The following TMPRSS11A variants were observed in gnomAD, a reference collection of about 807,000 sequenced individuals.
TMPRSS11A encodes transmembrane serine protease 11A, also known as transmembrane protease serine 11A.
Under a neutral mutation model 58.9 loss-of-function variants are expected in TMPRSS11A, and 53 were observed. That is an observed-to-expected ratio of 0.90 (90% confidence interval 0.72 to 1.13). TMPRSS11A has a LOEUF of 1.13. Ranked by LOEUF, TMPRSS11A falls within the 50% of genes most tolerant of loss-of-function variation. The pLI is 0.00. For synonymous variants in TMPRSS11A, 167 were observed against 169.8 expected, an observed-to-expected ratio of 0.98 and a Z score of 0.13; for missense variants, 493 against 499.3, an observed-to-expected ratio of 0.99 and a Z score of 0.12.
chr4:67,920,513 GA>G (rs1720290274), intron 7 of TMPRSS11A, among the ~76,000 whole-genome samples: 1 of 135,030 alleles, frequency 7.4e-6, no homozygotes, highest in Non-Finnish European at 1.5e-5. Context: ...GTTGGTTCTG[GA>G]AAAATGAGGT....
chr4:67,932,578 C>T (rs1720656327), intron 3 of TMPRSS11A, among the ~76,000 whole-genome samples: 1 of 152,104 alleles, frequency 6.6e-6, no homozygotes, highest in Non-Finnish European at 1.5e-5. Flanking sequence ...TGATCTGCTA[C>T]TCATAAGGCT....
At chr4:67,947,417 C>T (rs1202092955) in intron 1 of TMPRSS11A, among the ~76,000 whole-genome samples, 1 of 148,794 alleles carries the variant, frequency 6.7e-6, no homozygotes, top group Non-Finnish European at 1.5e-5. Flanking sequence ...ATGACATTGA[C>T]CATTGAAGAG....
intron 2 of TMPRSS11A, among the ~76,000 whole-genome samples, chr4:67,944,873 C>T (rs1720965288): frequency 1.3e-5 from 2 of 152,132 alleles, no homozygotes; most frequent in Non-Finnish European, 1.5e-5. Flanking sequence ...CATTTAATCC[C>T]CACACCAGCT....
rs758699193 is a variant in TMPRSS11A at position 67,911,510 on chromosome 4, A to G, written c.1096-7T>C. Reference sequence around the variant, plus strand: ...AAGGTCCCCCAGAATCACCCTAAAAATAAAAACATAAGAAAAAAGAAAGAA... The same window carrying G: ...AAGGTCCCCCAGAATCACCCTAAAAGTAAAAACATAAGAAAAAAGAAAGAA... On this transcript the variant is annotated splice_region_variant and splice_polypyrimidine_tract_variant and intron_variant, in intron 9 of 9. Coordinates refer to ENST00000508048, the MANE Select transcript of TMPRSS11A (RefSeq NM_001114387.2). 1 of 1,596,056 alleles carries G rather than the reference A, an allele frequency of 6.3e-7. No homozygotes were observed. The highest frequency in any genetic ancestry group is 1.1e-5 in the South Asian group (1 of 88,020).
At chr4:67,940,644 T>C (rs944196321) in intron 3 of TMPRSS11A, among the ~76,000 whole-genome samples, 1 of 152,188 alleles carries the variant, frequency 6.6e-6, no homozygotes, top group Non-Finnish European at 1.5e-5. Flanking sequence ...TTTTTCTTTG[T>C]TAATCTAGCT....
At chr4:67,945,419 A>C (rs12642405) in intron 2 of TMPRSS11A, among the ~76,000 whole-genome samples, 30,145 of 152,190 alleles carry the variant, frequency 0.2, 3,540 homozygotes, top group East Asian at 0.4. Context: ...CAGGGATATC[A>C]GGAAGGCATA....
Position 67,946,532 on chromosome 4 carries a change from T to C in TMPRSS11A, c.51A>G (p.Pro17=), listed in dbSNP as rs766227339. The C allele has an allele frequency of 8.7e-6, 14 of 1,612,066 alleles. No individual in the cohort carries two copies. In the South Asian group the frequency reaches 1.4e-4, roughly 16 times the overall value. The stretch of plus-strand genomic sequence containing the variant: ...ACACAATGAGAACGGCAATCATCCA[T>C]GGCTTCAGATTTCTGCTTCGGGTGC... ...GFGTRSRNLK[P]WMIAVLIVLS... is the part of the protein sequence containing the mutation. Residue 17 remains proline, a synonymous_variant, in exon 2 of 10, where the codon CCA becomes CCG. Coordinates refer to ENST00000508048, the MANE Select transcript of TMPRSS11A (RefSeq NM_001114387.2).
At chr4:67,930,192 A>G (rs549989707) in intron 4 of TMPRSS11A, 152 bp from the exon 5 acceptor site, 4 of 540,852 alleles carry the variant, frequency 7.4e-6, no homozygotes, top group Middle Eastern at 4.7e-4. Flanking sequence ...AGGTCATTTC[A>G]TATGTTCCCT....
rs1265700805 is a variant in TMPRSS11A at position 67,930,829 on chromosome 4, T to TTTTTTTTTAA, written c.321-790_321-789insTTAAAAAAAA. Among the ~76,000 whole-genome samples the TTTTTTTTTAA allele has an allele frequency of 6.7e-5, 6 of 90,132 alleles. 1 individual carries two copies. Among genetic ancestry groups the TTTTTTTTTAA allele is most frequent in the East Asian group, 5.0e-4 (1 of 1,992 alleles). 59.1% of individuals were successfully genotyped at this position (90,132 alleles called of 152,430 possible). ...TCTCCTTTTTTTTTTTTTTTTTTTTTACAAAAAAAAAAAAAACTGTGAAAA... is the reference window on the plus strand; with the variant it reads ...TCTCCTTTTTTTTTTTTTTTTTTTTTTTTTTTTTAAACAAAAAAAAAAAAAACTGTGAAAA... On this transcript the variant is annotated intron_variant, in intron 4 of 9. Transcript: ENST00000508048.
At chr4:67,938,954 A>G (rs750226690) in intron 3 of TMPRSS11A, among the ~76,000 whole-genome samples, 1 of 151,436 alleles carries the variant, frequency 6.6e-6, no homozygotes, top group Non-Finnish European at 1.5e-5. Flanking sequence ...GTGGAAAATT[A>G]TGTTGGTAGT....
chr4:67,938,248 G>A (rs191629091), intron 3 of TMPRSS11A, among the ~76,000 whole-genome samples: 4 of 152,002 alleles, frequency 2.6e-5, no homozygotes, highest in African/African-American at 4.8e-5. Flanking sequence ...TTTTAATGGC[G>A]TTACTTGGTT....
chr4:67,921,847 A>G (rs1294896442), intron 7 of TMPRSS11A, among the ~76,000 whole-genome samples: 1 of 152,146 alleles, frequency 6.6e-6, no homozygotes, highest in Non-Finnish European at 1.5e-5. Context: ...ATATAGAGAT[A>G]CTCAAGAAGT....
intron 3 of TMPRSS11A, among the ~76,000 whole-genome samples, chr4:67,934,911 T>C (rs1049031407): frequency 2.6e-5 from 4 of 152,118 alleles, no homozygotes; most frequent in African/African-American, 7.2e-5. Context: ...CAGATAGATA[T>C]GTCACTGCAG....
At chr4:67,942,419 A>G (rs1397117072) in intron 3 of TMPRSS11A, among the ~76,000 whole-genome samples, 1 of 152,220 alleles carries the variant, frequency 6.6e-6, no homozygotes, top group Non-Finnish European at 1.5e-5. Flanking sequence ...GCAAGATGGT[A>G]TTCTATGAAC....
intron 5 of TMPRSS11A, among the ~76,000 whole-genome samples, chr4:67,927,900 G>A (rs1161059296): frequency 1.3e-5 from 2 of 152,010 alleles, no homozygotes; most frequent in East Asian, 1.9e-4. Flanking sequence ...CTTGTATATC[G>A]TTATAATCTC....
intron 1 of TMPRSS11A, among the ~76,000 whole-genome samples, chr4:67,961,477 CT>C (rs1560577058): frequency 8.6e-4 from 2 of 2,318 alleles, no homozygotes; most frequent in Non-Finnish European, 2.8e-3. Context: ...CTTTCCTTTT[CT>C]TTTCCTTTTT....
intron 3 of TMPRSS11A, among the ~76,000 whole-genome samples, chr4:67,938,273 A>G (rs1720800138): frequency 6.6e-6 from 1 of 151,886 alleles, no homozygotes; most frequent in East Asian, 1.9e-4. Flanking sequence ...TTGCTTGTTG[A>G]GTTGTTTAAG....
At chr4:67,916,697 G>C (rs565854261) in intron 8 of TMPRSS11A, among the ~76,000 whole-genome samples, 3 of 151,990 alleles carry the variant, frequency 2.0e-5, no homozygotes, top group African/African-American at 7.3e-5. Flanking sequence ...CATGGTGGTG[G>C]GCGCCTGCAG....
In TMPRSS11A at chr4:67,914,750, A is replaced by T; in HGVS notation, c.953-20T>A. 6.2e-7 allele frequency: 1 copy of T among 1,604,702 alleles called. No homozygotes were observed. Among genetic ancestry groups the T allele is most frequent in the East Asian group, 2.2e-5 (1 of 44,640 alleles). On this transcript the variant is annotated intron_variant, in intron 8 of 9. Transcript: ENST00000508048. ...ATTCCCCTTAAGGAAAAATAGAGTT[A>T]TTCTAGTATTTACAATCAGCATCTT...
Sources: allele counts gnomAD v4.1 joint callset (sites outside exome capture counted in the v4.1 genomes callset), GRCh38; gene constraint gnomAD v4.1.1; transcripts MANE v1.5; gene names NCBI Gene and HGNC (gene_info 2026-07-23, HGNC 2026-07-21).